Variants in GNAO1 observed in about 807,000 individuals in gnomAD.
GNAO1 encodes the protein guanine nucleotide-binding protein G(o) subunit alpha.
For synonymous variants in GNAO1, 164 were observed against 180.7 expected (o/e 0.91, Z 0.74); for missense variants, 166 against 478.7 (o/e 0.35, Z 6.10).
intron 2 of GNAO1, among the ~76,000 whole-genome samples, chr16:56,262,829 C>T (rs1254971455): frequency 3.9e-5 from 6 of 152,180 alleles, no homozygotes; most frequent in Non-Finnish European, 7.3e-5. Flanking sequence ...TCACTCGTGC[C>T]GCTTTTACTG....
In GNAO1 at chr16:56,264,400, C is replaced by A. The variant is rs76999330; in HGVS notation, c.162-11531C>A. On this transcript the variant is annotated intron_variant, in intron 2 of 8. Transcript: ENST00000262493. ...CCTCCACCCACCCCAGCACTGTGAG[C>A]TGAGGGAAAGGGCAGGGTTCATGTT... 2.1e-3 allele frequency among the ~76,000 whole-genome samples: 317 copies of A among 152,330 alleles called. 2 individuals carry two copies. The highest frequency in any genetic ancestry group is 7.3e-3 in the African/African-American group (304 of 41,560).
At chr16:56,268,934 C>T (rs2143503817) in intron 2 of GNAO1, among the ~76,000 whole-genome samples, 1 of 152,266 alleles carries the variant, frequency 6.6e-6, no homozygotes, top group African/African-American at 2.4e-5. Context: ...TCATATGAGG[C>T]CAGGCAGGTC....
At chr16:56,278,537 G>T (rs1356999928) in intron 3 of GNAO1, among the ~76,000 whole-genome samples, 1 of 152,178 alleles carries the variant, frequency 6.6e-6, no homozygotes, top group East Asian at 1.9e-4. Flanking sequence ...AGACATGCCA[G>T]GCCAGAAAGG....
At chr16:56,250,616 C>T (rs1043793841) in intron 2 of GNAO1, among the ~76,000 whole-genome samples, 2 of 152,140 alleles carry the variant, frequency 1.3e-5, no homozygotes, top group Admixed American at 6.5e-5. Flanking sequence ...TGGCAGAAAT[C>T]CTGCCCAATG....
intron 2 of GNAO1, among the ~76,000 whole-genome samples, chr16:56,209,506 A>G (rs1316329894): frequency 6.6e-6 from 1 of 152,152 alleles, no homozygotes; most frequent in Non-Finnish European, 1.5e-5. Flanking sequence ...ACACATCCCT[A>G]TTAGGATATT....
At chr16:56,272,248 G>T (rs1481011648) in intron 2 of GNAO1, among the ~76,000 whole-genome samples, 1 of 152,102 alleles carries the variant, frequency 6.6e-6, no homozygotes, top group East Asian at 1.9e-4. Flanking sequence ...GGCAGAGCTT[G>T]CAGTGAGCCG....
intron 2 of GNAO1, among the ~76,000 whole-genome samples, chr16:56,210,188 T>C (rs1208419518): frequency 6.6e-6 from 1 of 152,202 alleles, no homozygotes; most frequent in African/African-American, 2.4e-5. Flanking sequence ...TCAGATTGGC[T>C]TTTTCTCTTA....
intron 2 of GNAO1, among the ~76,000 whole-genome samples, chr16:56,261,095 C>G (rs1391537240): frequency 6.6e-6 from 1 of 152,214 alleles, no homozygotes; most frequent in Non-Finnish European, 1.5e-5. Context: ...CAACTGACCA[C>G]TGCCGTTTCA....
Position 56,269,063 on chromosome 16 carries a change from GACCCTAACCCAGGCA to G in GNAO1, c.162-6867_162-6853del, listed in dbSNP as rs141996999. On this transcript the variant is annotated intron_variant, in intron 2 of 8. Transcript: ENST00000262493. ...GCATGGGAGTGAAGCACTGGGCCCT[GACCCTAACCCAGGCA>G]GCCACAGCACAGCTCTCCGTCAGTG... Among the ~76,000 whole-genome samples the G allele has an allele frequency of 9.3e-3, 1,420 of 152,266 alleles. 20 individuals carry two copies. The highest frequency in any genetic ancestry group is 0.031 in the African/African-American group (1,304 of 41,524).
chr16:56,239,464 G>A (rs1185137501), intron 2 of GNAO1, among the ~76,000 whole-genome samples: 3 of 152,134 alleles, frequency 2.0e-5, no homozygotes, highest in Non-Finnish European at 4.4e-5. Flanking sequence ...AACCTTCCAA[G>A]GACAGAGAGG....
intron 2 of GNAO1, among the ~76,000 whole-genome samples, chr16:56,260,520 A>G (rs971386539): frequency 7.9e-5 from 12 of 152,284 alleles, no homozygotes; most frequent in African/African-American, 2.6e-4. Flanking sequence ...CTGGCCTCTC[A>G]GACTGCAGCA....
intron 5 of GNAO1, 76 bp downstream of exon 5, chr16:56,334,933 T>A: frequency 7.3e-6 from 11 of 1,503,456 alleles, no homozygotes; most frequent in Non-Finnish European, 7.3e-6. Context: ...GCATTGCGTT[T>A]ACAGCGCCCA....
intron 2 of GNAO1, among the ~76,000 whole-genome samples, chr16:56,269,231 G>A (rs1353797534): frequency 6.6e-6 from 1 of 152,140 alleles, no homozygotes; most frequent in Non-Finnish European, 1.5e-5. Context: ...CTTTGGTCCG[G>A]AGAAACCCCC....
intron 3 of GNAO1, among the ~76,000 whole-genome samples, chr16:56,289,940 C>G (rs2037213537): frequency 6.6e-6 from 1 of 152,234 alleles, no homozygotes; most frequent in Non-Finnish European, 1.5e-5. Flanking sequence ...CTGTGCTCCA[C>G]ACAACAGCCA....
At chr16:56,347,297 G>A in intron 6 of GNAO1, 2 of 985,478 alleles carry the variant, frequency 2.0e-6, no homozygotes, top group Non-Finnish European at 1.2e-6. Context: ...GGCCACCAGA[G>A]ATTCAGTGTG....
At chr16:56,203,258 G>T (rs1313141211) in intron 2 of GNAO1, among the ~76,000 whole-genome samples, 1 of 152,056 alleles carries the variant, frequency 6.6e-6, no homozygotes. Context: ...CTTGAAGAGA[G>T]AAGTAGGTTC....
rs78424392 is a variant in GNAO1, at chr16:56,323,509, A to G, written c.304-5122A>G. ...CCATTTAGTTGCTAGAGCTCCAGCCATCACATCCAAGTTCCAGGCATTAGG... is the reference window on the plus strand; with the variant it reads ...CCATTTAGTTGCTAGAGCTCCAGCCGTCACATCCAAGTTCCAGGCATTAGG... On this transcript the variant is annotated intron_variant, in intron 3 of 8. Transcript: ENST00000262493. Among the ~76,000 whole-genome samples the G allele has an allele frequency of 8.4e-3, 1,272 of 152,246 alleles. 23 individuals carry two copies. The highest frequency in any genetic ancestry group is 0.029 in the African/African-American group (1,197 of 41,530).
At position 56,341,044 on chromosome 16, in the gene GNAO1, C is replaced by T. The variant is rs567673991; in HGVS notation, c.723+4184C>T. On this transcript the variant is annotated intron_variant, in intron 6 of 8. Coordinates refer to ENST00000262493, the MANE Select transcript of GNAO1 (RefSeq NM_020988.3). ...GAGGGAGCGGGCCCCGTTCCCAAAG[C>T]CCAGTCCACCCTTCCTGTGCTCTGT... 84 of 1,403,778 alleles carry T rather than the reference C, an allele frequency of 6.0e-5. 1 individual carries two copies. The South Asian group carries it at 1.0e-3, about 17-fold the overall frequency. 87.0% of individuals were successfully genotyped at this position (1,403,778 alleles called of 1,614,324 possible).
intron 8 of GNAO1, 70 bp from the exon 9 acceptor site, chr16:56,356,033 T>A (rs1237644407): frequency 6.6e-6 from 1 of 152,500 alleles, no homozygotes; most frequent in Admixed American, 6.5e-5. Context: ...CTAGGGTTTT[T>A]TGGTTGGTTG....
Sources: gnomAD v4.1 joint callset for allele counts (sites outside exome capture counted in the v4.1 genomes callset) on GRCh38, gnomAD v4.1.1 for gene constraint, MANE v1.5 for transcripts, NCBI Gene and HGNC (gene_info 2026-07-23, HGNC 2026-07-21) for gene names.